Variants in ARHGAP17 observed in about 807,000 individuals in gnomAD.
ARHGAP17 encodes the protein rho GTPase-activating protein 17.
ARHGAP17 carries 57 observed loss-of-function variants against 99.5 expected under a neutral mutation model. The observed-to-expected ratio is 0.57, with a 90% CI of 0.46 to 0.71. ARHGAP17 has a LOEUF of 0.71. Among genes scored for constraint, ARHGAP17 ranks in the 30% least tolerant of loss-of-function variants. ARHGAP17 has a pLI of 0.00. For missense variants in ARHGAP17, 1,000 were observed against 1,122.4 expected, an observed-to-expected ratio of 0.89 and a Z score of 1.56; for synonymous variants, 417 against 429.6, an observed-to-expected ratio of 0.97 and a Z score of 0.36.
chr16:24,952,204 C>T (rs1427142815), intron 12 of ARHGAP17, 85 bp downstream of exon 12: 1 of 964,828 alleles, frequency 1.0e-6, no homozygotes, highest in Non-Finnish European at 1.6e-6. Flanking sequence ...ATCTTATGAT[C>T]CCTGAGAATA....
At chr16:24,971,084 A>G (rs2052347428) in intron 3 of ARHGAP17, among the ~76,000 whole-genome samples, 1 of 152,134 alleles carries the variant, frequency 6.6e-6, no homozygotes, top group Non-Finnish European at 1.5e-5. Context: ...TGACCAGGCT[A>G]ATCTCAAACT....
chr16:25,013,320 C>T (rs781596082), intron 1 of ARHGAP17, among the ~76,000 whole-genome samples: 5 of 152,010 alleles, frequency 3.3e-5, no homozygotes, highest in African/African-American at 1.2e-4. Context: ...CAAGCATGGC[C>T]GGAATTTTAA....
intron 3 of ARHGAP17, 44 bp from the exon 4 acceptor site, chr16:24,970,624 C>A (rs777059819): frequency 6.6e-6 from 10 of 1,519,850 alleles, no homozygotes; most frequent in Non-Finnish European, 9.1e-6. Context: ...TTATTTGATA[C>A]CCATTCTCAA....
chr16:25,014,295 A>G (rs554872720), intron 1 of ARHGAP17, among the ~76,000 whole-genome samples: 111 of 152,356 alleles, frequency 7.3e-4, no homozygotes, highest in African/African-American at 2.6e-3. Flanking sequence ...TCGGTACAGT[A>G]CAGCCAGCTG....
At position 24,959,984 on chromosome 16, in the gene ARHGAP17, G is replaced by A. The variant is rs1322974895; in HGVS notation, c.574-5C>T. ...CATGTCTGCTGCAAGTTGATCCTGG[G>A]TAAATGGAAGATAAGAGGTTATTGA... On this transcript the variant is annotated splice_region_variant and splice_polypyrimidine_tract_variant and intron_variant, in intron 7 of 19. Transcript: ENST00000289968. 1 of 1,613,750 alleles carries A rather than the reference G, an allele frequency of 6.2e-7. No individual in the cohort carries two copies. Among genetic ancestry groups the A allele is most frequent in the East Asian group, 2.2e-5 (1 of 44,884 alleles).
intron 13 of ARHGAP17, 71 bp from the exon 14 acceptor site, chr16:24,947,666 G>A (rs2051514484): frequency 6.0e-6 from 8 of 1,331,400 alleles, no homozygotes; most frequent in Admixed American, 1.7e-5. Context: ...TCCTGCCTGG[G>A]TGCACAATCC....
At chr16:24,950,853 A>AAAAAAG (rs1567224914) in intron 12 of ARHGAP17, among the ~76,000 whole-genome samples, 25 of 150,478 alleles carry the variant, frequency 1.7e-4, no homozygotes, top group Non-Finnish European at 2.4e-4. Flanking sequence ...AAAAAAAAAA[A>AAAAAAG]AAAAAGAAAA....
chr16:24,977,582 C>T, intron 2 of ARHGAP17: 1 of 315,862 alleles, frequency 3.2e-6, no homozygotes, highest in East Asian at 5.1e-5. Flanking sequence ...CCAAAGAGCT[C>T]TCTCCAGTTC....
chr16:24,962,768 TAAAAG>T (rs772431758), intron 7 of ARHGAP17, among the ~76,000 whole-genome samples: 50 of 152,208 alleles, frequency 3.3e-4, no homozygotes, highest in Non-Finnish European at 5.0e-4. Flanking sequence ...TAAAATGACT[TAAAAG>T]AAAGAAACAC....
chr16:24,928,060 A>G (rs971088124), intron 19 of ARHGAP17, among the ~76,000 whole-genome samples: 1 of 152,234 alleles, frequency 6.6e-6, no homozygotes, highest in East Asian at 1.9e-4. Flanking sequence ...GAATTTGTCC[A>G]TCTAAAGTTT....
At chr16:24,956,132 G>A (rs1168527829) in intron 9 of ARHGAP17, 1 of 152,200 alleles carries the variant, frequency 6.6e-6, no homozygotes, top group Non-Finnish European at 1.5e-5. Flanking sequence ...TTCCACTAGG[G>A]GATGCCCTGG....
intron 1 of ARHGAP17, among the ~76,000 whole-genome samples, chr16:24,996,100 G>A (rs1331850883): frequency 6.6e-6 from 1 of 151,998 alleles, no homozygotes; most frequent in Non-Finnish European, 1.5e-5. Flanking sequence ...ACATTTCAGT[G>A]AATTTTATTT....
chr16:24,976,100 C>G (rs1346290392), intron 3 of ARHGAP17, among the ~76,000 whole-genome samples: 1 of 152,226 alleles, frequency 6.6e-6, no homozygotes, highest in Admixed American at 6.5e-5. Flanking sequence ...CCACCTCACC[C>G]CCTATCCATG....
intron 15 of ARHGAP17, 120 bp downstream of exon 15, chr16:24,943,651 T>G (rs1411015788): frequency 3.7e-6 from 3 of 820,704 alleles, no homozygotes; most frequent in African/African-American, 1.7e-5. Flanking sequence ...GAAAGAAACA[T>G]GAAAAAGTGA....
chr16:24,943,864 T>G lies in ARHGAP17; in HGVS notation c.1242-2A>C, dbSNP rs1249361027. 1 of 1,614,038 alleles carries G rather than the reference T, an allele frequency of 6.2e-7. No homozygotes were observed. On this transcript the variant is annotated splice_acceptor_variant, in intron 14 of 19. Transcript: ENST00000289968. LOFTEE classifies it high-confidence loss of function. ...GCTGCTGCCATTTCAGCAAGTGTTCTGCAAAGCAAGTTCACAAAATTAAAA... is the reference window on the plus strand; with the variant it reads ...GCTGCTGCCATTTCAGCAAGTGTTCGGCAAAGCAAGTTCACAAAATTAAAA...
intron 3 of ARHGAP17, among the ~76,000 whole-genome samples, chr16:24,975,877 G>A (rs2052498476): frequency 1.3e-5 from 2 of 152,142 alleles, no homozygotes; most frequent in African/African-American, 2.4e-5. Flanking sequence ...CTCTACCTAG[G>A]AACTGAACGC....
chr16:24,966,738 C>G (rs2052198139), intron 6 of ARHGAP17, among the ~76,000 whole-genome samples: 1 of 152,054 alleles, frequency 6.6e-6, no homozygotes, highest in African/African-American at 2.4e-5. Context: ...GAGCTATGAT[C>G]ACACCGCTGC....
At chr16:24,928,384 T>C (rs1019194773) in intron 19 of ARHGAP17, among the ~76,000 whole-genome samples, 1 of 152,220 alleles carries the variant, frequency 6.6e-6, no homozygotes, top group East Asian at 1.9e-4. Flanking sequence ...ACATTTTTAA[T>C]GTAAAATTTC....
intron 1 of ARHGAP17, among the ~76,000 whole-genome samples, chr16:24,993,057 A>G (rs1443773501): frequency 1.3e-5 from 2 of 152,182 alleles, no homozygotes; most frequent in Non-Finnish European, 2.9e-5. Context: ...TGCCTCAGTT[A>G]AAATCCTTTT....
Sources: allele counts gnomAD v4.1 joint callset (sites outside exome capture counted in the v4.1 genomes callset), GRCh38; gene constraint gnomAD v4.1.1; transcripts MANE v1.5; gene names NCBI Gene and HGNC (gene_info 2026-07-23, HGNC 2026-07-21).